The following PRNP variants were observed in gnomAD, a reference collection of about 807,000 sequenced individuals.
The protein encoded by PRNP is major prion protein.
PRNP carries 15 observed loss-of-function variants against 21.3 expected under a neutral mutation model. The observed-to-expected ratio is 0.71, with a 90% CI of 0.47 to 1.09. The LOEUF (loss-of-function observed/expected upper bound fraction) is 1.09, where lower values mean the gene tolerates loss of function less well. PRNP is among the 50% of genes least tolerant of loss of function. The pLI, the probability that PRNP is intolerant of heterozygous loss-of-function variation, is 0.00. For missense variants in PRNP, 285 were observed against 340.9 expected (o/e 0.84, Z 1.29); for synonymous variants, 121 against 123.1 (o/e 0.98, Z 0.11).
At chr20:4,691,754 A>G (rs1921841028) in intron 1 of PRNP, among the ~76,000 whole-genome samples, 1 of 152,210 alleles carries the variant, frequency 6.6e-6, no homozygotes, top group African/African-American at 2.4e-5. Flanking sequence ...GGACTTTGAC[A>G]TCAGGATAAT....
At chr20:4,687,201 G>T (rs1480051828) in intron 1 of PRNP, among the ~76,000 whole-genome samples, 1 of 152,140 alleles carries the variant, frequency 6.6e-6, no homozygotes, top group African/African-American at 2.4e-5. Flanking sequence ...TGCGGCCGTT[G>T]CCACCGCCTG....
intron 1 of PRNP, among the ~76,000 whole-genome samples, chr20:4,688,578 A>C (rs909430014): frequency 6.6e-6 from 1 of 152,262 alleles, no homozygotes; most frequent in African/African-American, 2.4e-5. Flanking sequence ...ATGTATTCCT[A>C]GCAGAATGAT....
At chr20:4,689,445 T>C (rs1049603960) in intron 1 of PRNP, among the ~76,000 whole-genome samples, 39 of 152,226 alleles carry the variant, frequency 2.6e-4, no homozygotes, top group African/African-American at 9.4e-4. Flanking sequence ...TTTAGAATTA[T>C]GCTGAATTAT....
chr20:4,690,913 A>G (rs937111592), intron 1 of PRNP, among the ~76,000 whole-genome samples: 2 of 152,244 alleles, frequency 1.3e-5, no homozygotes, highest in Admixed American at 6.5e-5. Flanking sequence ...TTTTACACTT[A>G]TAAAACCCTA....
intron 1 of PRNP, among the ~76,000 whole-genome samples, chr20:4,689,826 C>T (rs990171292): frequency 1.3e-5 from 2 of 152,298 alleles, no homozygotes; most frequent in Admixed American, 6.5e-5. Context: ...CAACTGCATT[C>T]TACTTAAACT....
intron 1 of PRNP, among the ~76,000 whole-genome samples, chr20:4,691,480 T>C (rs1007490152): frequency 1.3e-5 from 2 of 152,236 alleles, no homozygotes; most frequent in African/African-American, 4.8e-5. Flanking sequence ...TGAAAGAATG[T>C]TGAATTTTGT....
chr20:4,699,988 G>A lies in PRNP; in HGVS notation c.*6G>A, dbSNP rs1339567960. On this transcript the variant is annotated 3_prime_UTR_variant, in exon 2 of 2. Coordinates refer to ENST00000379440, the MANE Select transcript of PRNP (RefSeq NM_000311.5). This position sits in a 1 kb window ranked among gnomAD's most constrained non-coding sequence, Gnocchi z 5.8. ...TCTTCCTGATAGTGGGATGAGGAAG[G>A]TCTTCCTGTTTTCACCATCTTTCTA... 5 of 1,602,456 alleles carry A rather than the reference G, an allele frequency of 3.1e-6. No homozygotes were observed. The highest frequency in any genetic ancestry group is 4.3e-6 in the Non-Finnish European group (5 of 1,174,060).
intron 1 of PRNP, among the ~76,000 whole-genome samples, chr20:4,689,126 G>A (rs1921664169): frequency 6.6e-6 from 1 of 151,898 alleles, no homozygotes; most frequent in Admixed American, 6.6e-5. Flanking sequence ...GTTTTTTGTT[G>A]TTGTTTTTAA....
At chr20:4,690,955 A>G (rs145855450) in intron 1 of PRNP, among the ~76,000 whole-genome samples, 4 of 152,356 alleles carry the variant, frequency 2.6e-5, no homozygotes, top group Non-Finnish European at 5.9e-5. Context: ...TAGAACTAAT[A>G]AATTCAGTAA....
In PRNP at chr20:4,700,153, C is replaced by A; in HGVS notation, c.*171C>A. On this transcript the variant is annotated 3_prime_UTR_variant, in exon 2 of 2. Transcript: ENST00000379440. This position sits in a 1 kb window ranked among gnomAD's most constrained non-coding sequence, Gnocchi z 4.1. ...GGGCACTGGAAAACATAGAGTAGAC[C>A]TGAGATGCTGGTCAAGCCCCCTTTG... is the stretch of plus-strand genomic sequence containing the variant. 2 of 1,543,232 alleles carry A rather than the reference C, an allele frequency of 1.3e-6. No homozygotes were observed. The highest frequency in any genetic ancestry group is 1.4e-5 in the African/African-American group (1 of 72,998).
At position 4,700,163 on chromosome 20, in the gene PRNP, G is replaced by T; in HGVS notation, c.*181G>T. ...AAACATAGAGTAGACCTGAGATGCT[G>T]GTCAAGCCCCCTTTGATTGAGTTCA... On this transcript the variant is annotated 3_prime_UTR_variant, in exon 2 of 2. Coordinates refer to ENST00000379440, the MANE Select transcript of PRNP (RefSeq NM_000311.5). The surrounding 1 kb of genome is among the most constrained non-coding windows in gnomAD (Gnocchi z 4.1). 6.5e-7 allele frequency: 1 copy of T among 1,533,312 alleles called. No individual in the cohort carries two copies. Among genetic ancestry groups the T allele is most frequent in the Middle Eastern group, 1.7e-4 (1 of 5,936 alleles). 95.0% of individuals were successfully genotyped at this position (1,533,312 alleles called of 1,614,324 possible). A position where few individuals can be genotyped will look rare whatever the true frequency, so the allele number is the denominator to read the frequency against.
rs1922238952 is a variant in PRNP at position 4,697,478 on chromosome 20, A to G, written c.-10-1733A>G. Among the ~76,000 whole-genome samples, 1 of 152,194 alleles carries G rather than the reference A, an allele frequency of 6.6e-6. No homozygotes were observed. The highest frequency in any genetic ancestry group is 2.4e-5 in the African/African-American group (1 of 41,456). ...GGGGTGGGCTAGGGGGTGCTGTTTT[A>G]GGTAGAGTGATGGGAACAGCCCCAC... On this transcript the variant is annotated intron_variant, in intron 1 of 1. Coordinates refer to ENST00000379440, the MANE Select transcript of PRNP (RefSeq NM_000311.5). The surrounding 1 kb of genome is among the most constrained non-coding windows in gnomAD (Gnocchi z 4.6).
rs1176913187 is a variant in PRNP, at chr20:4,686,662, G to T, written c.-11+150G>T. On this transcript the variant is annotated intron_variant, in intron 1 of 1. Coordinates refer to ENST00000379440, the MANE Select transcript of PRNP (RefSeq NM_000311.5). This position sits in a 1 kb window ranked among gnomAD's most constrained non-coding sequence, Gnocchi z 6.7. ...GGAGGGGCCGGGGGCTGCCCCGCGG[G>T]CGCGTGACGCGTCTCGGGCCTGCCC... 6.6e-6 allele frequency: 1 copy of T among 152,152 alleles called. No homozygotes were observed. The highest frequency in any genetic ancestry group is 2.4e-5 in the African/African-American group (1 of 41,422). 9.4% of individuals were successfully genotyped at this position (152,152 alleles called of 1,614,324 possible). A position where few individuals can be genotyped will look rare whatever the true frequency, so the allele number is the denominator to read the frequency against.
At chr20:4,695,149 T>A (rs1922086544) in intron 1 of PRNP, among the ~76,000 whole-genome samples, 2 of 152,142 alleles carry the variant, frequency 1.3e-5, no homozygotes, top group South Asian at 2.1e-4. Context: ...TTTTTTTTTT[T>A]AATTTTTAAG....
intron 1 of PRNP, among the ~76,000 whole-genome samples, chr20:4,690,974 G>T (rs1921790923): frequency 6.6e-6 from 1 of 152,086 alleles, no homozygotes; most frequent in Admixed American, 6.6e-5. Context: ...AAAGTTGCAG[G>T]ATACAAAATT....
chr20:4,691,653 A>G (rs905033802), intron 1 of PRNP, among the ~76,000 whole-genome samples: 4 of 152,124 alleles, frequency 2.6e-5, no homozygotes, highest in Non-Finnish European at 5.9e-5. Context: ...GAGCTGTTGA[A>G]TTTGCTTCGC....
intron 1 of PRNP, among the ~76,000 whole-genome samples, chr20:4,698,180 A>G (rs1041942429): frequency 2.6e-5 from 4 of 152,130 alleles, no homozygotes; most frequent in Admixed American, 1.3e-4. Flanking sequence ...AGAGCCTCCA[A>G]AAACCCTAAC....
Position 4,699,981 on chromosome 20 carries a change from G to A in PRNP, c.761G>A (p.Ter254=), listed in dbSNP as rs1421748450. The change falls in exon 2 of 2, where the codon TGA becomes TAA. Residue 254 remains the stop codon, a stop_retained_variant. Transcript: ENST00000379440. The surrounding 1 kb of genome is among the most constrained non-coding windows in gnomAD (Gnocchi z 5.8). ...ISFLIFLIVG[*] is the part of the protein sequence containing the mutation. Reference sequence around the variant, plus strand: ...TTCCTCATCTTCCTGATAGTGGGATGAGGAAGGTCTTCCTGTTTTCACCAT... The same window carrying A: ...TTCCTCATCTTCCTGATAGTGGGATAAGGAAGGTCTTCCTGTTTTCACCAT... The A allele has an allele frequency of 6.2e-7, 1 of 1,606,966 alleles. No individual in the cohort carries two copies. Among genetic ancestry groups the A allele is most frequent in the Admixed American group, 1.7e-5 (1 of 58,940 alleles).
Position 4,700,270 on chromosome 20 carries a change from AG to A in PRNP, c.*289del. ...TTAATCTGGACTTATTTTTGGACTT[AG>A]TGCAACAGGTTGAGGCTAAAACAAA... On this transcript the variant is annotated 3_prime_UTR_variant, in exon 2 of 2. Transcript: ENST00000379440. The surrounding 1 kb of genome is among the most constrained non-coding windows in gnomAD (Gnocchi z 4.1). The A allele has an allele frequency of 1.1e-6, 1 of 892,882 alleles. No individual in the cohort carries two copies. The highest frequency in any genetic ancestry group is 1.7e-6 in the Non-Finnish European group (1 of 582,446). 55.3% of individuals were successfully genotyped at this position (892,882 alleles called of 1,614,324 possible). A position where few individuals can be genotyped will look rare whatever the true frequency, so the allele number is the denominator to read the frequency against.
Sources: allele counts gnomAD v4.1 joint callset (sites outside exome capture counted in the v4.1 genomes callset), GRCh38; gene constraint gnomAD v4.1.1; non-coding constraint Gnocchi (gnomAD v3.1); transcripts MANE v1.5; gene names NCBI Gene and HGNC (gene_info 2026-07-23, HGNC 2026-07-21).